LDB2: variants seen among roughly 807,000 people sequenced by gnomAD.
The protein encoded by LDB2 is LIM domain binding 2.
A neutral mutation model predicts 44.3 loss-of-function variants in LDB2; 12 were observed. The ratio of observed to expected loss-of-function variants is 0.27; its 90% CI spans 0.17 to 0.44. LDB2 has a LOEUF of 0.44. Among genes scored for constraint, LDB2 ranks in the 20% least tolerant of loss-of-function variants. The pLI, the probability that LDB2 is intolerant of heterozygous loss-of-function variation, is 1.00. For missense variants in LDB2, 344 were observed against 473.5 expected (o/e 0.73, Z 2.54); for synonymous variants, 164 against 174.8 (o/e 0.94, Z 0.49).
At chr4:16,669,779 T>G (rs1560822294) in intron 2 of LDB2, among the ~76,000 whole-genome samples, 1 of 152,212 alleles carries the variant, frequency 6.6e-6, no homozygotes, top group Non-Finnish European at 1.5e-5. Flanking sequence ...GAGAGCTTAA[T>G]GAACCTTCAC....
intron 2 of LDB2, among the ~76,000 whole-genome samples, chr4:16,599,990 TTA>T (rs2152447878): frequency 6.6e-6 from 1 of 152,318 alleles, no homozygotes; most frequent in East Asian, 1.9e-4. Flanking sequence ...AAAAATGGGT[TTA>T]TGATTTTGAA....
chr4:16,652,657 G>C (rs1375188255), intron 2 of LDB2, among the ~76,000 whole-genome samples: 1 of 152,202 alleles, frequency 6.6e-6, no homozygotes, highest in African/African-American at 2.4e-5. Flanking sequence ...AAAGCCGTCT[G>C]TCTGTGGGCT....
intron 2 of LDB2, among the ~76,000 whole-genome samples, chr4:16,737,712 TTCTGTAAAGA>T: frequency 6.6e-6 from 1 of 152,294 alleles, no homozygotes; most frequent in Non-Finnish European, 1.5e-5. Flanking sequence ...ATGTTTCTGA[TTCTGTAAAGA>T]AAACATATAA....
intron 1 of LDB2, among the ~76,000 whole-genome samples, chr4:16,761,749 A>G (rs1452607164): frequency 6.6e-6 from 1 of 152,226 alleles, no homozygotes; most frequent in Non-Finnish European, 1.5e-5. Context: ...CCCCAAAGAC[A>G]GTGAAGATCA....
chr4:16,527,095 G>C lies in LDB2; in HGVS notation c.616-14991C>G, dbSNP rs189708387. The stretch of plus-strand genomic sequence containing the variant: ...ATTTATCTGTTCTCGAATGTAACTG[G>C]GCATCTTGTATTTTATCTGGCACCC... On this transcript the variant is annotated intron_variant, in intron 5 of 7. Coordinates refer to ENST00000304523, the MANE Select transcript of LDB2 (RefSeq NM_001290.5). Among the ~76,000 whole-genome samples the C allele has an allele frequency of 2.6e-5, 4 of 152,166 alleles. No individual in the cohort carries two copies. The East Asian group carries it at 7.7e-4, about 29-fold the overall frequency.
At chr4:16,549,561 C>G (rs896884555) in intron 5 of LDB2, among the ~76,000 whole-genome samples, 1 of 152,188 alleles carries the variant, frequency 6.6e-6, no homozygotes, top group African/African-American at 2.4e-5. Context: ...ACTGGCCTTC[C>G]TATTTCTCCC....
At chr4:16,794,396 C>T (rs1776334044) in intron 1 of LDB2, among the ~76,000 whole-genome samples, 1 of 152,312 alleles carries the variant, frequency 6.6e-6, no homozygotes, top group Non-Finnish European at 1.5e-5. Flanking sequence ...TATCACTGTA[C>T]CTTCAATCTG....
At chr4:16,761,941 C>T (rs143868242) in intron 1 of LDB2, among the ~76,000 whole-genome samples, 2,544 of 152,026 alleles carry the variant, frequency 0.017, 69 homozygotes, top group African/African-American at 0.058. Flanking sequence ...GTCAGGAGTT[C>T]GAGACCAGCC....
chr4:16,711,594 G>C (rs546374680), intron 2 of LDB2, among the ~76,000 whole-genome samples: 39 of 152,354 alleles, frequency 2.6e-4, no homozygotes, highest in Middle Eastern at 6.8e-3. Flanking sequence ...GCTGTGCATA[G>C]AATGAACTGC....
intron 7 of LDB2, 182 bp from the exon 8 acceptor site, chr4:16,503,055 T>A (rs779000748): frequency 1.9e-6 from 3 of 1,540,404 alleles, no homozygotes; most frequent in Non-Finnish European, 2.6e-6. Context: ...AAACATCGCC[T>A]CCTGATGTGT....
intron 1 of LDB2, among the ~76,000 whole-genome samples, chr4:16,822,105 G>T (rs1317481672): frequency 7.8e-6 from 1 of 128,346 alleles, no homozygotes; most frequent in Non-Finnish European, 1.7e-5. Flanking sequence ...GGCTTACTAG[G>T]ATTGTTAAAA....
chr4:16,887,496 C>T (rs904483626), intron 1 of LDB2, among the ~76,000 whole-genome samples: 2 of 152,134 alleles, frequency 1.3e-5, no homozygotes, highest in African/African-American at 4.8e-5. Context: ...CAGCCAACTA[C>T]ATGGTAATCA....
rs536341488 is a variant in LDB2, at chr4:16,542,329, C to T, written c.616-30225G>A. On this transcript the variant is annotated intron_variant, in intron 5 of 7. Transcript: ENST00000304523. Reference sequence around the variant, plus strand: ...GAAATAAACAAGACATCCTGGATGGCGATAAATGCCATGAAGATAATAAAA... The same window carrying T: ...GAAATAAACAAGACATCCTGGATGGTGATAAATGCCATGAAGATAATAAAA... Among the ~76,000 whole-genome samples, 78 of 152,136 alleles carry T rather than the reference C, an allele frequency of 5.1e-4. 1 individual carries two copies. Among genetic ancestry groups the T allele is most frequent in the Middle Eastern group, 6.8e-3 (2 of 294 alleles).
At chr4:16,538,885 T>C (rs1267765418) in intron 5 of LDB2, among the ~76,000 whole-genome samples, 1 of 152,142 alleles carries the variant, frequency 6.6e-6, no homozygotes, top group Non-Finnish European at 1.5e-5. Context: ...ATGTTACAGA[T>C]GAGGAAACCG....
intron 1 of LDB2, among the ~76,000 whole-genome samples, chr4:16,860,691 C>A (rs1353476627): frequency 3.9e-5 from 6 of 152,222 alleles, no homozygotes; most frequent in African/African-American, 1.4e-4. Context: ...CTAAGATGAT[C>A]TCATTCAATG....
intron 2 of LDB2, among the ~76,000 whole-genome samples, chr4:16,737,383 C>G (rs1047757998): frequency 1.3e-5 from 2 of 152,136 alleles, no homozygotes; most frequent in African/African-American, 4.8e-5. Flanking sequence ...CATCAGCCCC[C>G]ACTCCTGTCT....
rs369266312 is a variant in LDB2 at position 16,561,731 on chromosome 4, C to T, written c.615+24191G>A. 1.2e-3 allele frequency among the ~76,000 whole-genome samples: 178 copies of T among 152,196 alleles called. 1 individual carries two copies. Among genetic ancestry groups the T allele is most frequent in the African/African-American group, 3.9e-3 (164 of 41,554 alleles). The stretch of plus-strand genomic sequence containing the variant: ...TGGAAAAAAACTACTTTAAAGTTCA[C>T]ATGGAACCAAAAAAGAGCCCGCATC... On this transcript the variant is annotated intron_variant, in intron 5 of 7. Coordinates refer to ENST00000304523, the MANE Select transcript of LDB2 (RefSeq NM_001290.5).
At chr4:16,565,417 A>G (rs1273367678) in intron 5 of LDB2, among the ~76,000 whole-genome samples, 4 of 152,156 alleles carry the variant, frequency 2.6e-5, no homozygotes, top group African/African-American at 9.6e-5. Context: ...TCAGAGATAC[A>G]TTTGATAAAA....
chr4:16,588,620 T>C, intron 4 of LDB2, 90 bp downstream of exon 4: 1 of 1,363,628 alleles, frequency 7.3e-7, no homozygotes, highest in African/African-American at 1.4e-5. Flanking sequence ...CTGGAATTCT[T>C]TCACAGAGAG....
Sources: gnomAD v4.1 joint callset for allele counts (sites outside exome capture counted in the v4.1 genomes callset) on GRCh38, gnomAD v4.1.1 for gene constraint, MANE v1.5 for transcripts, NCBI Gene and HGNC (gene_info 2026-07-23, HGNC 2026-07-21) for gene names.